The following DAB2IP variants were observed in gnomAD, a reference collection of about 807,000 sequenced individuals.
DAB2IP encodes the protein DAB2 interacting protein, also known as disabled homolog 2-interacting protein.
DAB2IP carries 28 observed loss-of-function variants against 107.2 expected under a neutral mutation model. That is an observed-to-expected ratio of 0.26 (90% CI 0.19 to 0.36). The LOEUF is 0.36. DAB2IP is among the 10% of genes least tolerant of loss of function. DAB2IP has a pLI of 1.00. For missense variants in DAB2IP, 1,400 were observed against 1,644.7 expected (o/e 0.85, Z 2.57); for synonymous variants, 755 against 706.4 (o/e 1.07, Z -1.09).
chr9:121,686,883 C>T lies in DAB2IP; in HGVS notation c.228+8102C>T, dbSNP rs570411529. Among the ~76,000 whole-genome samples the T allele has an allele frequency of 8.5e-5, 13 of 152,324 alleles. No individual in the cohort carries two copies. In the South Asian group the frequency reaches 1.2e-3, roughly 15 times the overall value. On this transcript the variant is annotated intron_variant, in intron 2 of 15. Coordinates refer to ENST00000408936, the Ensembl canonical transcript of DAB2IP. Reference sequence around the variant, plus strand: ...CTCCCACTTCCATACCCTTCCGTCACGGCCCCAAAGCAACATCACCCCTGA... The same window carrying T: ...CTCCCACTTCCATACCCTTCCGTCATGGCCCCAAAGCAACATCACCCCTGA...
intron 1 of DAB2IP, among the ~76,000 whole-genome samples, chr9:121,622,877 A>G (rs1221122595): frequency 6.6e-6 from 1 of 152,040 alleles, no homozygotes; most frequent in African/African-American, 2.4e-5. Flanking sequence ...GGCAAGGGGG[A>G]TGGGAATAGT....
intron 1 of DAB2IP, among the ~76,000 whole-genome samples, chr9:121,671,797 T>G (rs1439491982): frequency 6.6e-6 from 1 of 152,206 alleles, no homozygotes; most frequent in Non-Finnish European, 1.5e-5. Context: ...TTCCTTGCTG[T>G]GTAATGTTCT....
upstream of DAB2IP, among the ~76,000 whole-genome samples, chr9:121,648,447 G>A (rs1371762039): frequency 1.3e-5 from 2 of 151,678 alleles, no homozygotes; most frequent in Non-Finnish European, 2.9e-5. Context: ...ATGGGTTGGG[G>A]TGCAAGCGGG....
intron 1 of DAB2IP, among the ~76,000 whole-genome samples, chr9:121,603,606 T>G (rs1830765149): frequency 6.6e-6 from 1 of 152,118 alleles, no homozygotes; most frequent in African/African-American, 2.4e-5. Flanking sequence ...TGCCTCACTA[T>G]TTTTCTGCCC....
chr9:121,644,697 C>T lies in DAB2IP; in HGVS notation c.41-33981C>T, dbSNP rs184523279. Among the ~76,000 whole-genome samples the T allele has an allele frequency of 3.7e-4, 56 of 152,294 alleles. No individual in the cohort carries two copies. In the East Asian group the frequency reaches 9.7e-3, roughly 26 times the overall value. On this transcript the variant is annotated intron_variant, in intron 1 of 16. Transcript: ENST00000259371. ...GCTGCTTGTCAGTTTATACGCAAGG[C>T]TTTGATCCACTATGTTATTTGACTC...
intron 3 of DAB2IP, among the ~76,000 whole-genome samples, chr9:121,723,585 C>G (rs1173358861): frequency 6.6e-6 from 1 of 152,256 alleles, no homozygotes; most frequent in Non-Finnish European, 1.5e-5. Context: ...TCTCCCCACC[C>G]TGGTTTCACC....
At chr9:121,756,645 G>T (rs930426945) in intron 3 of DAB2IP, among the ~76,000 whole-genome samples, 12 of 152,236 alleles carry the variant, frequency 7.9e-5, no homozygotes, top group African/African-American at 2.7e-4. Context: ...ATGGGAAAGC[G>T]CCCAGAACTG....
At chr9:121,611,473 C>G (rs1831093987) in intron 1 of DAB2IP, among the ~76,000 whole-genome samples, 1 of 152,194 alleles carries the variant, frequency 6.6e-6, no homozygotes, top group Non-Finnish European at 1.5e-5. Flanking sequence ...GCTGCTCTAC[C>G]TACCAGCTGT....
chr9:121,719,286 G>A (rs377440464), intron 3 of DAB2IP, among the ~76,000 whole-genome samples: 8 of 152,340 alleles, frequency 5.3e-5, no homozygotes, highest in African/African-American at 1.2e-4. Flanking sequence ...TGCTGCTTCT[G>A]TGCCTCTCTG....
chr9:121,646,474 C>T (rs13291581), intron 1 of DAB2IP, among the ~76,000 whole-genome samples: 1 of 151,622 alleles, frequency 6.6e-6, no homozygotes, highest in East Asian at 2.0e-4. Flanking sequence ...TGACCTTAAC[C>T]ACAAGTGTCC....
At chr9:121,629,257 G>A (rs1831783238) in intron 1 of DAB2IP, among the ~76,000 whole-genome samples, 1 of 152,204 alleles carries the variant, frequency 6.6e-6, no homozygotes, top group Admixed American at 6.5e-5. Context: ...AGGCTTTGAG[G>A]GCATGACCCA....
chr9:121,643,764 C>T lies in DAB2IP; in HGVS notation c.41-34914C>T, dbSNP rs78019763. The stretch of plus-strand genomic sequence containing the variant: ...GTCAGATAGGCTCAGCCACTTTTTT[C>T]GAATGTTGCCATCATCTCTCCCACT... On this transcript the variant is annotated intron_variant, in intron 1 of 16. Transcript: ENST00000259371. Among the ~76,000 whole-genome samples the T allele has an allele frequency of 3.1e-3, 461 of 150,206 alleles. 17 individuals are homozygous for T. In the East Asian group the frequency reaches 0.067, roughly 22 times the overall value.
intron 1 of DAB2IP, among the ~76,000 whole-genome samples, chr9:121,588,095 T>G (rs1830345351): frequency 6.6e-6 from 1 of 152,188 alleles, no homozygotes; most frequent in Non-Finnish European, 1.5e-5. Flanking sequence ...ATAATTATCA[T>G]GCACTACGGT....
intron 3 of DAB2IP, among the ~76,000 whole-genome samples, chr9:121,728,811 AT>A (rs1373538242): frequency 6.8e-6 from 1 of 147,024 alleles, no homozygotes; most frequent in East Asian, 2.2e-4. Flanking sequence ...TGTAAATGAG[AT>A]TTGGGGAGGG....
rs1223440849 is a variant in DAB2IP at position 121,736,396 on chromosome 9, C to T, written c.363-20617C>T. On this transcript the variant is annotated intron_variant, in intron 3 of 15. Coordinates refer to ENST00000408936, the Ensembl canonical transcript of DAB2IP. This position sits in a 1 kb window ranked among gnomAD's most constrained non-coding sequence, Gnocchi z 4.6. ...TTGCAAGGCAGAGACCCCCGAACCC[C>T]TGCTCCAGGGCCTGCGCGTCCCGCC... Among the ~76,000 whole-genome samples, 2 of 145,266 alleles carry T rather than the reference C, an allele frequency of 1.4e-5. No individual in the cohort carries two copies. Among genetic ancestry groups the T allele is most frequent in the Admixed American group, 6.7e-5 (1 of 15,026 alleles).
intron 1 of DAB2IP, among the ~76,000 whole-genome samples, chr9:121,661,287 T>C (rs1833190873): frequency 6.6e-6 from 1 of 151,872 alleles, no homozygotes; most frequent in African/African-American, 2.4e-5. Flanking sequence ...TAGGACAGGA[T>C]TGGAGAAGTT....
intron 1 of DAB2IP, among the ~76,000 whole-genome samples, chr9:121,673,343 G>T (rs1833757908): frequency 6.6e-6 from 1 of 152,146 alleles, no homozygotes; most frequent in Non-Finnish European, 1.5e-5. Context: ...ACTTTTAGAG[G>T]TAGTCACTTT....
At chr9:121,568,836 T>C (rs1433945684) in intron 1 of DAB2IP, among the ~76,000 whole-genome samples, 2 of 152,168 alleles carry the variant, frequency 1.3e-5, no homozygotes, top group Non-Finnish European at 2.9e-5. Context: ...GTCCTCCAGA[T>C]TTGCTAGTAG....
At chr9:121,742,927 ACTC>A (rs1253950470) in intron 3 of DAB2IP, 1 of 985,208 alleles carries the variant, frequency 1.0e-6, no homozygotes, top group African/African-American at 1.7e-5. Flanking sequence ...GACAGGTGAG[ACTC>A]CTCATCTTGC....
Sources: gnomAD v4.1 joint callset for allele counts (sites outside exome capture counted in the v4.1 genomes callset) on GRCh38, gnomAD v4.1.1 for gene constraint, Gnocchi (gnomAD v3.1) non-coding constraint, MANE v1.5 for transcripts, NCBI Gene and HGNC (gene_info 2026-07-23, HGNC 2026-07-21) for gene names.